AMMECR1: variants seen among roughly 807,000 people sequenced by gnomAD.
The protein encoded by AMMECR1 is AMMECR nuclear protein 1, also known as nuclear protein AMMECR1.
AMMECR1 carries 3 observed loss-of-function variants against 22.5 expected under a neutral mutation model. The observed-to-expected ratio is 0.13, with a 90% CI of 0.06 to 0.35. The LOEUF (loss-of-function observed/expected upper bound fraction) is 0.35. Among genes scored for constraint, AMMECR1 ranks in the 10% least tolerant of loss-of-function variants. The probability of loss-of-function intolerance (pLI) is 1.00; values close to 1 mark genes in which losing one functional copy is unlikely to be tolerated. For synonymous variants in AMMECR1, 130 were observed against 116.7 expected, an observed-to-expected ratio of 1.11 and a Z score of -0.74; for missense variants, 235 against 278.7, an observed-to-expected ratio of 0.84 and a Z score of 1.12.
intron 1 of AMMECR1, among the ~76,000 whole-genome samples, chrX:110,275,568 C>T (rs1208806211): frequency 4.5e-5 from 5 of 111,207 alleles, no homozygotes; most frequent in African/African-American, 9.8e-5. Context: ...TGGTGGCTCA[C>T]GCCTGTAATC....
intron 1 of AMMECR1, among the ~76,000 whole-genome samples, chrX:110,295,786 A>T (rs1263241248): frequency 1.8e-5 from 2 of 111,627 alleles, no homozygotes; most frequent in Non-Finnish European, 3.8e-5. Context: ...AATACCAACC[A>T]GTGTCAATAA....
intron 2 of AMMECR1, among the ~76,000 whole-genome samples, chrX:110,247,894 A>T (rs1410427927): frequency 8.9e-6 from 1 of 112,214 alleles, no homozygotes; most frequent in Admixed American, 9.4e-5. Context: ...TCAGACAAAG[A>T]AAAGTTTTTA....
At chrX:110,406,853 A>G (rs2068606030) in intron 2 of AMMECR1, among the ~76,000 whole-genome samples, 1 of 111,992 alleles carries the variant, frequency 8.9e-6, no homozygotes, top group East Asian at 2.8e-4. Flanking sequence ...TGGATGTTTC[A>G]TGCAATAGTT....
chrX:110,267,756 A>T (rs771907515), intron 1 of AMMECR1, among the ~76,000 whole-genome samples: 4 of 112,210 alleles, frequency 3.6e-5, no homozygotes, highest in Non-Finnish European at 5.6e-5. Flanking sequence ...TATCCCAGGA[A>T]ATATATACAT....
At chrX:110,405,091 C>CG (rs1365701602) in intron 2 of AMMECR1, among the ~76,000 whole-genome samples, 1 of 81,339 alleles carries the variant, frequency 1.2e-5, no homozygotes, top group Non-Finnish European at 2.2e-5. Context: ...TGTTGTGTCC[C>CG]CCCCCCCCCC....
chrX:110,412,510 C>T (rs777728600), intron 2 of AMMECR1, among the ~76,000 whole-genome samples: 4 of 111,911 alleles, frequency 3.6e-5, no homozygotes, highest in Non-Finnish European at 7.5e-5. Context: ...GTGACTTCGA[C>T]CAAGTTTCTA....
intron 1 of AMMECR1, among the ~76,000 whole-genome samples, chrX:110,273,675 C>T (rs2067810919): frequency 1.8e-5 from 2 of 111,524 alleles, no homozygotes; most frequent in African/African-American, 6.5e-5. Context: ...GATAGGGGTC[C>T]AGTTTCATTC....
At chrX:110,414,761 T>C (rs2068665506) in intron 2 of AMMECR1, among the ~76,000 whole-genome samples, 1 of 112,521 alleles carries the variant, frequency 8.9e-6, no homozygotes, top group African/African-American at 3.2e-5. Context: ...AAAATGCACA[T>C]CTGACAGTGC....
At chrX:110,359,881 T>G (rs1180278218) in intron 2 of AMMECR1, among the ~76,000 whole-genome samples, 1 of 112,051 alleles carries the variant, frequency 8.9e-6, no homozygotes, top group Non-Finnish European at 1.9e-5. Flanking sequence ...AGGTGAGACT[T>G]GAACTTGGCA....
intron 2 of AMMECR1, among the ~76,000 whole-genome samples, chrX:110,373,423 ACT>A (rs1318638450): frequency 1.8e-5 from 2 of 111,315 alleles, no homozygotes; most frequent in Non-Finnish European, 3.8e-5. Flanking sequence ...ACACAATGAA[ACT>A]CTAGCAGAGG....
intron 2 of AMMECR1, among the ~76,000 whole-genome samples, chrX:110,416,888 C>T (rs1383436541): frequency 9.0e-6 from 1 of 111,706 alleles, no homozygotes; most frequent in Non-Finnish European, 1.9e-5. Context: ...AGCTGAACCT[C>T]TCTGAATGTC....
intron 1 of AMMECR1, chrX:110,305,531 T>C (rs762653296): frequency 8.1e-5 from 9 of 111,296 alleles, no homozygotes; most frequent in Non-Finnish European, 1.5e-4. Flanking sequence ...CTCATACTGG[T>C]TGTACAGAAA....
chrX:110,361,491 T>C (rs1406643224), intron 2 of AMMECR1, among the ~76,000 whole-genome samples: 2 of 111,169 alleles, frequency 1.8e-5, no homozygotes, highest in African/African-American at 3.3e-5. Context: ...ATCATGTCAC[T>C]CCTCTGCTCA....
intron 2 of AMMECR1, among the ~76,000 whole-genome samples, chrX:110,350,359 G>A (rs1299462098): frequency 9.0e-6 from 1 of 111,551 alleles, no homozygotes; most frequent in Non-Finnish European, 1.9e-5. Context: ...AATGGTGAAA[G>A]ACTAAAACTC....
At chrX:110,433,492 G>A (rs181298331) in intron 1 of AMMECR1, among the ~76,000 whole-genome samples, 173 of 111,556 alleles carry the variant, frequency 1.6e-3, no homozygotes, top group Middle Eastern at 4.6e-3. Flanking sequence ...GGGAGATGGG[G>A]GAAGGAAGGG....
chrX:110,371,657 T>A (rs2068339658), intron 2 of AMMECR1, among the ~76,000 whole-genome samples: 1 of 111,133 alleles, frequency 9.0e-6, no homozygotes, highest in Non-Finnish European at 1.9e-5. Flanking sequence ...CAGGTTAAAG[T>A]CTGCGTATTT....
chrX:110,388,394 C>T (rs777408526), intron 2 of AMMECR1, among the ~76,000 whole-genome samples: 4 of 111,517 alleles, frequency 3.6e-5, no homozygotes, highest in Non-Finnish European at 7.5e-5. Flanking sequence ...AGGTCTGGTA[C>T]CTTTAAGAAG....
chrX:110,301,409 C>T (rs774865371), intron 1 of AMMECR1, among the ~76,000 whole-genome samples: 2 of 112,532 alleles, frequency 1.8e-5, no homozygotes, highest in African/African-American at 6.4e-5. Flanking sequence ...AGATACAGTG[C>T]TAAACAATTG....
intron 2 of AMMECR1, among the ~76,000 whole-genome samples, chrX:110,231,123 G>C (rs753028823): frequency 1.1e-4 from 12 of 111,971 alleles, no homozygotes; most frequent in Non-Finnish European, 1.5e-4. Flanking sequence ...TTATCCAGGA[G>C]AACTTCCCCA....
Sources: gnomAD v4.1 joint callset for allele counts (sites outside exome capture counted in the v4.1 genomes callset) on GRCh38, gnomAD v4.1.1 for gene constraint, MANE v1.5 for transcripts, NCBI Gene and HGNC (gene_info 2026-07-23, HGNC 2026-07-21) for gene names.